The following ELK4 variants were observed in gnomAD, a reference collection of about 807,000 sequenced individuals.
The protein encoded by ELK4 is ETS transcription factor ELK4.
ELK4 carries 16 observed loss-of-function variants against 29.6 expected under a neutral mutation model. The ratio of observed to expected loss-of-function variants is 0.54; its 90% CI spans 0.37 to 0.82. The LOEUF (loss-of-function observed/expected upper bound fraction) is 0.82, where lower values mean the gene tolerates loss of function less well. ELK4 is among the 40% of genes least tolerant of loss of function. ELK4 has a pLI of 0.00. For synonymous variants in ELK4, 213 were observed against 191.1 expected, an observed-to-expected ratio of 1.11 and a Z score of -0.95; for missense variants, 465 against 507.1, an observed-to-expected ratio of 0.92 and a Z score of 0.80.
chr1:205,617,507 A>T (rs10900517), intron 4 of ELK4, among the ~76,000 whole-genome samples: 129,899 of 152,042 alleles, frequency 0.85, 55,597 homozygotes, highest in East Asian at 0.95. Flanking sequence ...TCATTTTTTT[A>T]AAAATGTACA....
In ELK4 at chr1:205,615,390, CAAAAAAAAAAAAAAA is replaced by C. The variant is rs67904643; in HGVS notation, c.*1141_*1155del. 1.9e-5 allele frequency: 1 copy of C among 53,190 alleles called. No individual in the cohort carries two copies. Among genetic ancestry groups the C allele is most frequent in the Non-Finnish European group, 3.5e-5 (1 of 28,646 alleles). The allele number at this position is 53,190 out of a possible 1,614,324, so 3.3% of individuals were successfully genotyped here. ...TGGGTGATAGAGCAAGACTCTGTCT[CAAAAAAAAAAAAAAA>C]AAAAAAAAAAGGAAATAAGCACATC... On this transcript the variant is annotated 3_prime_UTR_variant, in exon 5 of 5. Transcript: ENST00000357992.
chr1:205,616,495 T>C lies in ELK4; in HGVS notation c.*51A>G. On this transcript the variant is annotated 3_prime_UTR_variant, in exon 5 of 5. Coordinates refer to ENST00000357992, the MANE Select transcript of ELK4 (RefSeq NM_001973.4). ...TTGCTCACTTCAAATGCAATCATGT[T>C]GAATGTCTGTTTCTTCGTTCCTCGG... The C allele has an allele frequency of 6.6e-7, 1 of 1,507,290 alleles. No homozygotes were observed. The highest frequency in any genetic ancestry group is 9.2e-7 in the Non-Finnish European group (1 of 1,084,560). 93.4% of individuals were successfully genotyped at this position (1,507,290 alleles called of 1,614,324 possible).
In ELK4 at chr1:205,608,791, A is replaced by G. The variant is rs1670110547; in HGVS notation, c.*7755T>C. ...AAACAAGGGAAAAAATAAGCAATGA[A>G]GTAACTGTCTTCTCAGTTGAGCTGA... On this transcript the variant is annotated 3_prime_UTR_variant, in exon 5 of 5. Transcript: ENST00000357992. 1 of 195,598 alleles carries G rather than the reference A, an allele frequency of 5.1e-6. No homozygotes were observed. Among genetic ancestry groups the G allele is most frequent in the African/African-American group, 2.3e-5 (1 of 43,282 alleles). The allele number at this position is 195,598 out of a possible 1,614,324, so 12.1% of individuals were successfully genotyped here. A position where few individuals can be genotyped will look rare whatever the true frequency, so the allele number is the denominator to read the frequency against.
In ELK4 at chr1:205,623,764, T is replaced by C. The variant is rs1670398746; in HGVS notation, c.119A>G (p.Glu40Gly). Residue 40 changes from glutamate to glycine, a missense_variant, in exon 2 of 5, where the codon GAG (glutamate) becomes GGG (glycine). Physicochemically the swap from Glu to Gly is moderately conservative, Grantham distance 98. Coordinates refer to ENST00000357992, the MANE Select transcript of ELK4 (RefSeq NM_001973.4). ...DGQFKLLQAEEVARLWGIRKN... is the reference protein window; with the variant it reads ...DGQFKLLQAEGVARLWGIRKN... Reference sequence around the variant, plus strand: ...GCGAATCCCCCAGAGACGAGCCACCTCTTCTGCCTGCAAAAGCTTAAACTG... The same window carrying C: ...GCGAATCCCCCAGAGACGAGCCACCCCTTCTGCCTGCAAAAGCTTAAACTG... The C allele has an allele frequency of 6.2e-7, 1 of 1,614,078 alleles. No homozygotes were observed. Among genetic ancestry groups the C allele is most frequent in the Non-Finnish European group, 8.5e-7 (1 of 1,180,052 alleles).
intron 4 of ELK4, among the ~76,000 whole-genome samples, chr1:205,618,009 G>C (rs1011152769): frequency 3.1e-5 from 2 of 63,516 alleles, no homozygotes; most frequent in African/African-American, 8.9e-5. Flanking sequence ...GCAAGAGAGA[G>C]AGAGAGAGTG....
At chr1:205,629,766 C>G (rs1201672882) in intron 1 of ELK4, among the ~76,000 whole-genome samples, 1 of 151,006 alleles carries the variant, frequency 6.6e-6, no homozygotes. Flanking sequence ...TCCCCTAAGA[C>G]AGTTATTAAA....
At chr1:205,624,854 C>A (rs558157974) in intron 1 of ELK4, among the ~76,000 whole-genome samples, 21 of 152,106 alleles carry the variant, frequency 1.4e-4, no homozygotes, top group African/African-American at 3.9e-4. Flanking sequence ...AAAGTCATCC[C>A]GGTAGATAAC....
At position 205,613,056 on chromosome 1, in the gene ELK4, T is replaced by C; in HGVS notation, c.*3490A>G. On this transcript the variant is annotated 3_prime_UTR_variant, in exon 5 of 5. Coordinates refer to ENST00000357992, the MANE Select transcript of ELK4 (RefSeq NM_001973.4). ...CTGACCGTACTCCTCAAAATCCAGA[T>C]TGTTTGTGCATACATTTAAAAAAAA... 5.0e-6 allele frequency: 1 copy of C among 199,324 alleles called. No homozygotes were observed. The highest frequency in any genetic ancestry group is 1.7e-3 in the Middle Eastern group (1 of 602). The allele number at this position is 199,324 out of a possible 1,614,324, so 12.3% of individuals were successfully genotyped here. A position where few individuals can be genotyped will look rare whatever the true frequency, so the allele number is the denominator to read the frequency against.
At chr1:205,620,897 C>T in intron 2 of ELK4, 59 bp from the exon 3 acceptor site, 2 of 1,499,260 alleles carry the variant, frequency 1.3e-6, no homozygotes, top group East Asian at 2.3e-5. Flanking sequence ...TCCCATAGTT[C>T]ATGAAAAAGC....
intron 4 of ELK4, among the ~76,000 whole-genome samples, chr1:205,618,173 C>A (rs1171104451): frequency 6.6e-6 from 1 of 151,988 alleles, no homozygotes; most frequent in Admixed American, 6.6e-5. Context: ...GGGCCACAGG[C>A]ACGTGCTACC....
In ELK4 at chr1:205,610,030, G is replaced by T. The variant is rs1330826753; in HGVS notation, c.*6516C>A. 4.3e-6 allele frequency: 1 copy of T among 231,176 alleles called. No homozygotes were observed. The highest frequency in any genetic ancestry group is 2.2e-5 in the African/African-American group (1 of 45,326). 14.3% of individuals were successfully genotyped at this position (231,176 alleles called of 1,614,324 possible). A position where few individuals can be genotyped will look rare whatever the true frequency, so the allele number is the denominator to read the frequency against. On this transcript the variant is annotated 3_prime_UTR_variant, in exon 5 of 5. Coordinates refer to ENST00000357992, the MANE Select transcript of ELK4 (RefSeq NM_001973.4). ...TTAAGTGCTTCCAGTTATTAAAAAT[G>T]AAACAGTGCTAATATTGGTGCCCAA...
intron 4 of ELK4, 81 bp from the exon 5 acceptor site, chr1:205,616,725 C>CA: frequency 8.7e-7 from 1 of 1,150,070 alleles, no homozygotes; most frequent in South Asian, 1.5e-5. Context: ...TTACCTGAGG[C>CA]AAAACACAAC....
At position 205,623,750 on chromosome 1, in the gene ELK4, A is replaced by T. The variant is rs1412049306; in HGVS notation, c.133T>A (p.Trp45Arg). 6.2e-7 allele frequency: 1 copy of T among 1,614,176 alleles called. No homozygotes were observed. The highest frequency in any genetic ancestry group is 8.5e-7 in the Non-Finnish European group (1 of 1,180,026). ...LLQAEEVARL[W>R]GIRKNKPNMN... ...TTAGGCTTGTTCTTGCGAATCCCCC[A>T]GAGACGAGCCACCTCTTCTGCCTGC... Residue 45 changes from tryptophan to arginine, a missense_variant, in exon 2 of 5, where the codon TGG becomes AGG. Transcript: ENST00000357992.
intron 1 of ELK4, among the ~76,000 whole-genome samples, chr1:205,629,243 G>C (rs1433857553): frequency 6.6e-6 from 1 of 150,984 alleles, no homozygotes; most frequent in Non-Finnish European, 1.5e-5. Flanking sequence ...AATGAATTTT[G>C]AGAAAAAGAT....
At chr1:205,618,016 A>ACT (rs57087668) in intron 4 of ELK4, among the ~76,000 whole-genome samples, 4 of 150,926 alleles carry the variant, frequency 2.7e-5, no homozygotes, top group Admixed American at 2.6e-4. Flanking sequence ...AGAGAGAGAG[A>ACT]GTGTGTGTGT....
Position 205,616,103 on chromosome 1 carries a change from C to T in ELK4, c.*443G>A, listed in dbSNP as rs1192139609. 1 of 239,040 alleles carries T rather than the reference C, an allele frequency of 4.2e-6. No homozygotes were observed. The highest frequency in any genetic ancestry group is 8.3e-6 in the Non-Finnish European group (1 of 120,140). 14.8% of individuals were successfully genotyped at this position (239,040 alleles called of 1,614,324 possible). On this transcript the variant is annotated 3_prime_UTR_variant, in exon 5 of 5. Coordinates refer to ENST00000357992, the MANE Select transcript of ELK4 (RefSeq NM_001973.4). ...CAGAGCACACTTAGTCCTAAAGATG[C>T]CAATTCATTTCACAAATATTTCTTT...
intron 3 of ELK4, chr1:205,619,645 G>GT: frequency 7.4e-7 from 1 of 1,358,844 alleles, no homozygotes; most frequent in Non-Finnish European, 9.4e-7. Flanking sequence ...ATCACTGTTT[G>GT]TTTTATAAGA....
At chr1:205,617,645 T>C (rs928876796) in intron 4 of ELK4, among the ~76,000 whole-genome samples, 2 of 151,896 alleles carry the variant, frequency 1.3e-5, no homozygotes. Flanking sequence ...CTCATGCCTG[T>C]AATCCCAGCA....
At chr1:205,622,287 A>G (rs895882779) in intron 2 of ELK4, among the ~76,000 whole-genome samples, 1 of 152,228 alleles carries the variant, frequency 6.6e-6, no homozygotes, top group African/African-American at 2.4e-5. Context: ...CTCTGTGTAT[A>G]AACAGCTACT....
Sources: allele counts gnomAD v4.1 joint callset (sites outside exome capture counted in the v4.1 genomes callset), GRCh38; gene constraint gnomAD v4.1.1; transcripts MANE v1.5; gene names NCBI Gene and HGNC (gene_info 2026-07-23, HGNC 2026-07-21).